The following PMS1 variants were observed in gnomAD, a reference collection of about 807,000 sequenced individuals.
PMS1 encodes the protein PMS1 protein homolog 1.
PMS1 carries 79 observed loss-of-function variants against 93.1 expected under a neutral mutation model. That is an observed-to-expected ratio of 0.85 (90% confidence interval 0.71 to 1.02). The LOEUF (loss-of-function observed/expected upper bound fraction) is 1.02, where lower values mean the gene tolerates loss of function less well. Ranked by LOEUF, PMS1 falls within the 50% of genes least tolerant of loss-of-function variation. The pLI is 0.00. For missense variants in PMS1, 1,064 were observed against 1,085.3 expected (o/e 0.98, Z 0.28); for synonymous variants, 335 against 363.4 (o/e 0.92, Z 0.89).
chr2:189,863,780 A>G lies in PMS1; in HGVS notation c.1894A>G (p.Asn632Asp). ...GGCTACTAAAGACTTGGAACGATAC[A>G]ATAGTCAAATGAAGAGAGCCATTGA... Reference protein sequence around the residue: ...EKATKDLERYNSQMKRAIEQE... With the variant: ...EKATKDLERYDSQMKRAIEQE... Residue 632 changes from asparagine to aspartate, a missense_variant, in exon 10 of 13, where the codon AAT (asparagine) becomes GAT (aspartate). Physicochemically the swap from Asn to Asp is conservative, Grantham distance 23 (BLOSUM62 1). Transcript: ENST00000441310. The G allele has an allele frequency of 3.7e-6, 6 of 1,608,152 alleles. No individual in the cohort carries two copies. Among genetic ancestry groups the G allele is most frequent in the Non-Finnish European group, 5.1e-6 (6 of 1,174,612 alleles).
chr2:189,855,979 C>T (rs778434549), intron 9 of PMS1: 39 of 371,244 alleles, frequency 1.1e-4, no homozygotes, highest in Non-Finnish European at 1.5e-4. Context: ...AATCCATCAT[C>T]TGGAGTTTAT....
chr2:189,838,604 C>G (rs976802570), intron 5 of PMS1, among the ~76,000 whole-genome samples: 2 of 152,166 alleles, frequency 1.3e-5, no homozygotes, highest in African/African-American at 4.8e-5. Context: ...CACATGGAGT[C>G]AGTCATCAAG....
intron 1 of PMS1, 80 bp from the exon 2 acceptor site, chr2:189,791,710 C>T (rs2106212003): frequency 2.1e-6 from 2 of 941,444 alleles, no homozygotes; most frequent in Admixed American, 1.8e-5. Flanking sequence ...GATCTATTTT[C>T]ATCTGTCATT....
At chr2:189,825,213 T>C (rs973475098) in intron 5 of PMS1, among the ~76,000 whole-genome samples, 7 of 152,176 alleles carry the variant, frequency 4.6e-5, no homozygotes, top group African/African-American at 1.7e-4. Context: ...GAGGTATTTT[T>C]CTTCTTTCAT....
chr2:189,836,392 A>G (rs1024380220), intron 5 of PMS1, among the ~76,000 whole-genome samples: 2 of 152,234 alleles, frequency 1.3e-5, no homozygotes, highest in Non-Finnish European at 2.9e-5. Flanking sequence ...TGTGACCTAG[A>G]TAGAAAACAT....
Position 189,854,264 on chromosome 2 carries a change from A to G in PMS1, c.992A>G (p.Asn331Ser). The G allele has an allele frequency of 6.3e-7, 1 of 1,594,348 alleles. No individual in the cohort carries two copies. The highest frequency in any genetic ancestry group is 8.5e-7 in the Non-Finnish European group (1 of 1,171,376). Residue 331 changes from asparagine to serine, a missense_variant, in exon 9 of 13, where the codon AAT becomes AGT. Transcript: ENST00000441310. ...NKESVLIALE[N>S]LMTTCYGPLP... ...GAATCTGTTTTAATTGCTCTTGAAA[A>G]TCTGATGACGACTTGTTATGGACCA...
At chr2:189,874,881 G>A (rs1178832005) in intron 12 of PMS1, among the ~76,000 whole-genome samples, 1 of 152,122 alleles carries the variant, frequency 6.6e-6, no homozygotes, top group Admixed American at 6.5e-5. Context: ...AGGGAGCTGT[G>A]GGTTGGAAGA....
Position 189,791,719 on chromosome 2 carries a change from T to A in PMS1, c.-20-71T>A, listed in dbSNP as rs897890510. ...GAAGATGATCTATTTTCATCTGTCA[T>A]TATTATTGCCATTTGTCCTGTTGGT... On this transcript the variant is annotated intron_variant, in intron 1 of 12. Coordinates refer to ENST00000441310, the MANE Select transcript of PMS1 (RefSeq NM_000534.5). The A allele has an allele frequency of 4.2e-5, 44 of 1,050,624 alleles. 1 individual carries two copies. The South Asian group carries it at 4.4e-4, about 10-fold the overall frequency. 65.1% of individuals were successfully genotyped at this position (1,050,624 alleles called of 1,614,324 possible).
At position 189,847,315 on chromosome 2, in the gene PMS1, C is replaced by T. The variant is rs187451532; in HGVS notation, c.699+3235C>T. On this transcript the variant is annotated intron_variant, in intron 6 of 12. Transcript: ENST00000441310. ...CAGCCCCAGGTTATATACTTCCATC[C>T]ATTATCACTTCGATAATTTCTATTT... Among the ~76,000 whole-genome samples the T allele has an allele frequency of 2.0e-5, 3 of 152,212 alleles. No homozygotes were observed. In the East Asian group the frequency reaches 5.8e-4, roughly 29 times the overall value.
At chr2:189,803,954 C>A (rs926296476) in intron 3 of PMS1, among the ~76,000 whole-genome samples, 2 of 152,140 alleles carry the variant, frequency 1.3e-5, no homozygotes, top group African/African-American at 4.8e-5. Context: ...TTTAGCACTT[C>A]AGTTTCTTCG....
chr2:189,792,186 A>G (rs2048927936), intron 2 of PMS1, among the ~76,000 whole-genome samples: 1 of 152,204 alleles, frequency 6.6e-6, no homozygotes, highest in Non-Finnish European at 1.5e-5. Context: ...TAAGACATCT[A>G]ATGTTTGTAT....
At chr2:189,797,366 C>T (rs2049453983) in intron 3 of PMS1, among the ~76,000 whole-genome samples, 1 of 152,204 alleles carries the variant, frequency 6.6e-6, no homozygotes. Flanking sequence ...AATTATACTA[C>T]GCTGCCTCTG....
At chr2:189,823,433 C>T (rs574467949) in intron 5 of PMS1, among the ~76,000 whole-genome samples, 5 of 152,084 alleles carry the variant, frequency 3.3e-5, no homozygotes, top group African/African-American at 1.2e-4. Flanking sequence ...TCCTCCCACC[C>T]CCTCAACAGG....
intron 5 of PMS1, among the ~76,000 whole-genome samples, chr2:189,833,572 C>A (rs1463760756): frequency 1.4e-5 from 2 of 146,878 alleles, no homozygotes; most frequent in Non-Finnish European, 2.9e-5. Flanking sequence ...CAGAGTGAGA[C>A]TGTCTCAAAA....
At chr2:189,861,175 G>T (rs2055951696) in intron 9 of PMS1, among the ~76,000 whole-genome samples, 1 of 151,808 alleles carries the variant, frequency 6.6e-6, no homozygotes, top group African/African-American at 2.4e-5. Flanking sequence ...AGGGTTAAAA[G>T]AATATATTTC....
intron 4 of PMS1, among the ~76,000 whole-genome samples, chr2:189,809,447 C>CTT (rs972672920): frequency 0.029 from 1,821 of 63,258 alleles, 159 homozygotes; most frequent in Non-Finnish European, 0.043. Context: ...AAGCACATTT[C>CTT]TTTTTTTTTT....
At chr2:189,873,463 C>T (rs572627123) in intron 11 of PMS1, 33 bp from the exon 12 acceptor site, 5 of 1,461,946 alleles carry the variant, frequency 3.4e-6, no homozygotes, top group African/African-American at 1.4e-5. Flanking sequence ...GGAATATGAA[C>T]TTAACTATGT....
chr2:189,812,674 A>G (rs73054335), intron 4 of PMS1, among the ~76,000 whole-genome samples: 7,242 of 152,324 alleles, frequency 0.048, 273 homozygotes, highest in African/African-American at 0.1. Context: ...AAGTTGTTAC[A>G]TTGTGAAATA....
chr2:189,812,088 G>T (rs2106305617), intron 4 of PMS1, among the ~76,000 whole-genome samples: 1 of 152,270 alleles, frequency 6.6e-6, no homozygotes, highest in African/African-American at 2.4e-5. Context: ...ATCATCTGAG[G>T]TCAGGAGTTC....
Sources: allele counts gnomAD v4.1 joint callset (sites outside exome capture counted in the v4.1 genomes callset), GRCh38; gene constraint gnomAD v4.1.1; transcripts MANE v1.5; gene names NCBI Gene and HGNC (gene_info 2026-07-23, HGNC 2026-07-21).